MALT1: variants seen among roughly 807,000 people sequenced by gnomAD.
The protein encoded by MALT1 is mucosa-associated lymphoid tissue lymphoma translocation protein 1.
MALT1 carries 36 observed loss-of-function variants against 85.5 expected under a neutral mutation model. The observed-to-expected ratio is 0.42, with a 90% CI of 0.32 to 0.56. The LOEUF (loss-of-function observed/expected upper bound fraction) is 0.56. MALT1 is among the 20% of genes least tolerant of loss of function. The pLI is 0.10. For synonymous variants in MALT1, 359 were observed against 361.3 expected, an observed-to-expected ratio of 0.99 and a Z score of 0.07; for missense variants, 716 against 981.6, an observed-to-expected ratio of 0.73 and a Z score of 3.62.
At chr18:58,676,443 A>C (rs2054241305) in intron 1 of MALT1, among the ~76,000 whole-genome samples, 1 of 151,942 alleles carries the variant, frequency 6.6e-6, no homozygotes, top group Non-Finnish European at 1.5e-5. Flanking sequence ...CTTCAACCTG[A>C]TATCTTCTTG....
intron 2 of MALT1, among the ~76,000 whole-genome samples, chr18:58,684,661 G>A (rs537336467): frequency 4.4e-4 from 67 of 151,366 alleles, no homozygotes; most frequent in African/African-American, 1.6e-3. Context: ...GATCAGGCTG[G>A]TTTTGAACTT....
rs998818442 is a variant in MALT1, at chr18:58,753,212, G to T, written c.*5370G>T. On this transcript the variant is annotated 3_prime_UTR_variant, in exon 17 of 17. Coordinates refer to ENST00000649217, the MANE Select transcript of MALT1 (RefSeq NM_006785.4). ...TTTTTTTATTTGTTTTTTTGTTGTTGTCTTTTGAGTCTCACTCTGTCTCCC... is the reference window on the plus strand; with the variant it reads ...TTTTTTTATTTGTTTTTTTGTTGTTTTCTTTTGAGTCTCACTCTGTCTCCC... 2 of 151,514 alleles carry T rather than the reference G, an allele frequency of 1.3e-5. No homozygotes were observed. Among genetic ancestry groups the T allele is most frequent in the African/African-American group, 4.9e-5 (2 of 41,226 alleles). The allele number at this position is 151,514 out of a possible 1,614,324, so 9.4% of individuals were successfully genotyped here.
intron 9 of MALT1, among the ~76,000 whole-genome samples, chr18:58,718,802 CAGATT>C (rs2054940080): frequency 1.3e-5 from 2 of 152,114 alleles, no homozygotes; most frequent in African/African-American, 4.8e-5. Context: ...AGATGGTGAT[CAGATT>C]AGTCGAGGAG....
At chr18:58,698,059 T>C (rs1278891338) in intron 3 of MALT1, among the ~76,000 whole-genome samples, 1 of 116,162 alleles carries the variant, frequency 8.6e-6, no homozygotes, top group Non-Finnish European at 1.7e-5. Flanking sequence ...TTGTTGTTGT[T>C]TTGTTTTGTT....
chr18:58,735,137 T>C lies in MALT1; in HGVS notation c.1476-65T>C. The C allele has an allele frequency of 2.9e-6, 4 of 1,386,316 alleles. 1 individual carries two copies. Among genetic ancestry groups the C allele is most frequent in the Middle Eastern group, 2.4e-4 (1 of 4,090 alleles). The allele number at this position is 1,386,316 out of a possible 1,614,324, so 85.9% of individuals were successfully genotyped here. On this transcript the variant is annotated intron_variant, in intron 12 of 16. Coordinates refer to ENST00000649217, the MANE Select transcript of MALT1 (RefSeq NM_006785.4). ...GAGTTCATTTTTATTAGCATCCACA[T>C]ATAAGTGAGAACATACAGTATTTGC...
At position 58,705,322 on chromosome 18, in the gene MALT1, G is replaced by GTGTGTGTGTGTA. The variant is rs1555685559; in HGVS notation, c.650-4055_650-4054insGTGTGTGTGTAT. ...TGTGTGTGTGTGTGTGTGTGTGTGT[G>GTGTGTGTGTGTA]TATTTATTTTTATTATTATACTTTA... On this transcript the variant is annotated intron_variant, in intron 4 of 16. Transcript: ENST00000649217. Among the ~76,000 whole-genome samples, 313 of 148,240 alleles carry GTGTGTGTGTGTA rather than the reference G, an allele frequency of 2.1e-3. 3 individuals carry two copies. Among genetic ancestry groups the GTGTGTGTGTGTA allele is most frequent in the African/African-American group, 7.2e-3 (290 of 40,154 alleles).
intron 10 of MALT1, among the ~76,000 whole-genome samples, chr18:58,724,182 T>C (rs954516385): frequency 4.6e-5 from 7 of 152,238 alleles, no homozygotes; most frequent in Admixed American, 1.3e-4. Flanking sequence ...AAGGCAAGTT[T>C]GGTCAGAATT....
intron 10 of MALT1, among the ~76,000 whole-genome samples, chr18:58,727,614 G>GTTTTTTT (rs1602327763): frequency 1.8e-5 from 2 of 110,488 alleles, no homozygotes; most frequent in African/African-American, 8.8e-5. Context: ...AAGGTTTTTT[G>GTTTTTTT]TGTTTTTTTT....
At chr18:58,675,175 T>A (rs1256294958) in intron 1 of MALT1, 1 of 152,266 alleles carries the variant, frequency 6.6e-6, no homozygotes, top group East Asian at 1.9e-4. Context: ...CTATGTAAAT[T>A]CTTTGGTGGC....
At chr18:58,738,247 A>G (rs1330001549) in intron 13 of MALT1, among the ~76,000 whole-genome samples, 2 of 152,312 alleles carry the variant, frequency 1.3e-5, no homozygotes, top group Non-Finnish European at 2.9e-5. Flanking sequence ...ATTATGCTCT[A>G]TGTAGTCTTT....
chr18:58,723,303 A>G, intron 10 of MALT1, 52 bp downstream of exon 10: 1 of 1,394,968 alleles, frequency 7.2e-7, no homozygotes, highest in Non-Finnish European at 1.0e-6. Flanking sequence ...TCTTTTCATT[A>G]TACAAGTTAG....
intron 13 of MALT1, chr18:58,741,391 C>G (rs1221445059): frequency 6.6e-6 from 1 of 151,946 alleles, no homozygotes; most frequent in Non-Finnish European, 1.5e-5. Context: ...CCTTTTAACT[C>G]CCAACATGTT....
intron 10 of MALT1, 31 bp from the exon 11 acceptor site, chr18:58,733,366 T>G: frequency 7.0e-7 from 1 of 1,437,664 alleles, no homozygotes; most frequent in Non-Finnish European, 9.6e-7. Context: ...AGAATTGACA[T>G]CTATCTCTCT....
intron 9 of MALT1, among the ~76,000 whole-genome samples, chr18:58,720,738 A>T (rs1602320539): frequency 6.6e-6 from 1 of 152,272 alleles, no homozygotes; most frequent in Non-Finnish European, 1.5e-5. Context: ...TTTTTTTATT[A>T]TATACTTATA....
chr18:58,714,764 C>T lies in MALT1; in HGVS notation c.985+655C>T, dbSNP rs1054437074. On this transcript the variant is annotated intron_variant, in intron 8 of 16. Coordinates refer to ENST00000649217, the MANE Select transcript of MALT1 (RefSeq NM_006785.4). Reference sequence around the variant, plus strand: ...ACATGAAGACACAGGATATCAACCTCGTGTAGGCTTTCTGAAAGACAATGA... The same window carrying T: ...ACATGAAGACACAGGATATCAACCTTGTGTAGGCTTTCTGAAAGACAATGA... 1.2e-4 allele frequency among the ~76,000 whole-genome samples: 18 copies of T among 151,138 alleles called. 1 individual carries two copies. In the Middle Eastern group the frequency reaches 0.01, roughly 86 times the overall value.
chr18:58,695,970 C>T (rs1049923130), intron 2 of MALT1, among the ~76,000 whole-genome samples: 1 of 152,176 alleles, frequency 6.6e-6, no homozygotes, highest in Non-Finnish European at 1.5e-5. Context: ...CATTTATGAC[C>T]AAACATTTCC....
chr18:58,706,696 C>A (rs1439754027), intron 4 of MALT1, among the ~76,000 whole-genome samples: 1 of 152,106 alleles, frequency 6.6e-6, no homozygotes, highest in Admixed American at 6.6e-5. Context: ...TTCTGTTAAT[C>A]TGTTGTCTTC....
chr18:58,746,716 G>C (rs979422897), intron 16 of MALT1, among the ~76,000 whole-genome samples: 1 of 149,646 alleles, frequency 6.7e-6, no homozygotes, highest in Non-Finnish European at 1.5e-5. Flanking sequence ...TTATAAAACT[G>C]GTATAAAACC....
rs879406093 is a variant in MALT1 at position 58,714,025 on chromosome 18, T to C, written c.959-58T>C. The C allele has an allele frequency of 1.8e-5, 15 of 816,796 alleles. No homozygotes were observed. In the Admixed American group the frequency reaches 2.8e-4, roughly 15 times the overall value. 50.6% of individuals were successfully genotyped at this position (816,796 alleles called of 1,614,324 possible). A position where few individuals can be genotyped will look rare whatever the true frequency, so the allele number is the denominator to read the frequency against. On this transcript the variant is annotated intron_variant, in intron 7 of 16. Transcript: ENST00000649217. ...TCAAAACTACTTGGATTAGTCTTACTATTTGTGCTAAATTGGTGTTTAGAT... is the reference window on the plus strand; with the variant it reads ...TCAAAACTACTTGGATTAGTCTTACCATTTGTGCTAAATTGGTGTTTAGAT...
Sources: gnomAD v4.1 joint callset for allele counts (sites outside exome capture counted in the v4.1 genomes callset) on GRCh38, gnomAD v4.1.1 for gene constraint, MANE v1.5 for transcripts, NCBI Gene and HGNC (gene_info 2026-07-23, HGNC 2026-07-21) for gene names.